IL19: variants seen among roughly 807,000 people sequenced by gnomAD.
The protein encoded by IL19 is interleukin 19, also known as interleukin-19.
A neutral mutation model predicts 19.5 loss-of-function variants in IL19; 15 were observed. The observed-to-expected ratio is 0.77, with a 90% CI of 0.52 to 1.19. IL19 has a LOEUF of 1.19. IL19 is among the 50% of genes most tolerant of loss of function. The pLI is 0.00. For missense variants in IL19, 199 were observed against 213.1 expected (o/e 0.93, Z 0.41); for synonymous variants, 78 against 78.3 (o/e 1.00, Z 0.02).
chr1:206,808,933 G>C (rs970160672), intron 2 of IL19, among the ~76,000 whole-genome samples: 1 of 152,116 alleles, frequency 6.6e-6, no homozygotes. Flanking sequence ...GAGTGAAGAG[G>C]GTGCATGAGG....
At chr1:206,789,383 T>TA (rs750010425) in intron 1 of IL19, among the ~76,000 whole-genome samples, 14 of 152,322 alleles carry the variant, frequency 9.2e-5, no homozygotes, top group Non-Finnish European at 1.8e-4. Flanking sequence ...TACCACCCCT[T>TA]ATGCCTTTGT....
intron 2 of IL19, among the ~76,000 whole-genome samples, chr1:206,825,035 C>T (rs1676395283): frequency 6.6e-6 from 1 of 152,190 alleles, no homozygotes; most frequent in South Asian, 2.1e-4. Flanking sequence ...GGATTATAGG[C>T]ATGAGCCACT....
At chr1:206,830,334 G>T (rs1046121338) in intron 2 of IL19, among the ~76,000 whole-genome samples, 1 of 152,114 alleles carries the variant, frequency 6.6e-6, no homozygotes, top group Admixed American at 6.5e-5. Context: ...CACTGAAAAT[G>T]AGGAATAAAA....
chr1:206,781,425 AAAAAAAAAAAAAAGAAAAAAAAAG>A (rs1675125738), intron 1 of IL19, among the ~76,000 whole-genome samples: 5 of 150,566 alleles, frequency 3.3e-5, no homozygotes, highest in Non-Finnish European at 7.4e-5. Flanking sequence ...AAAAAAAAAA[AAAAAAAAAAAAAAGAAAAAAAAAG>A]AAAAAAAAGA....
rs116163001 is a variant in IL19 at position 206,800,904 on chromosome 1, G to A, written c.-3+1898G>A. Among the ~76,000 whole-genome samples the A allele has an allele frequency of 4.3e-3, 653 of 152,324 alleles. 2 individuals carry two copies. The highest frequency in any genetic ancestry group is 7.5e-3 in the Admixed American group (114 of 15,302). On this transcript the variant is annotated intron_variant, in intron 2 of 6. Coordinates refer to ENST00000659997, the MANE Select transcript of IL19 (RefSeq NM_153758.5). ...TGGCTGGGCATGAGGACCAGGCACA[G>A]CCTGGAGACCAACCACCTCTGGCCA... is the stretch of plus-strand genomic sequence containing the variant.
At chr1:206,778,925 ACTGT>A (rs1369454545) in intron 1 of IL19, among the ~76,000 whole-genome samples, 2 of 152,136 alleles carry the variant, frequency 1.3e-5, no homozygotes, top group African/African-American at 4.8e-5. Context: ...ACCAGCAATG[ACTGT>A]CTGGTTCAAG....
intron 2 of IL19, among the ~76,000 whole-genome samples, chr1:206,834,835 C>A (rs1468744249): frequency 1.3e-5 from 2 of 152,118 alleles, no homozygotes; most frequent in Admixed American, 1.3e-4. Flanking sequence ...CAGAGGGAAA[C>A]AATGTTGTAA....
intron 2 of IL19, among the ~76,000 whole-genome samples, chr1:206,812,378 A>C (rs370735462): frequency 6.6e-6 from 1 of 152,196 alleles, no homozygotes; most frequent in Non-Finnish European, 1.5e-5. Context: ...TCAATGTCCC[A>C]TTGGTTTGGA....
chr1:206,772,471 T>G (rs1321548158), intron 1 of IL19: 9 of 1,610,312 alleles, frequency 5.6e-6, no homozygotes. Flanking sequence ...GGTTTGGTTT[T>G]GCAAGAGCAA....
chr1:206,796,764 C>A (rs371166573), intron 1 of IL19, among the ~76,000 whole-genome samples: 3 of 152,284 alleles, frequency 2.0e-5, no homozygotes, highest in South Asian at 4.1e-4. Flanking sequence ...GACAAAACCT[C>A]CTAATAAGGC....
intron 1 of IL19, among the ~76,000 whole-genome samples, chr1:206,779,658 A>G (rs1416088945): frequency 1.3e-5 from 2 of 152,150 alleles, no homozygotes; most frequent in Non-Finnish European, 2.9e-5. Flanking sequence ...GAACCCTTCC[A>G]TGGCTTCCCA....
chr1:206,804,299 G>A (rs1210799173), intron 2 of IL19, among the ~76,000 whole-genome samples: 1 of 152,356 alleles, frequency 6.6e-6, no homozygotes, highest in East Asian at 1.9e-4. Context: ...GGGTTCCTGT[G>A]CTGGGAGTGG....
At position 206,814,725 on chromosome 1, in the gene IL19, C is replaced by CAT. The variant is rs1553440957; in HGVS notation, c.-3+15720_-3+15721insTA. On this transcript the variant is annotated intron_variant, in intron 2 of 6. Coordinates refer to ENST00000659997, the MANE Select transcript of IL19 (RefSeq NM_153758.5). ...ACACACACACACACACACACACACA[C>CAT]AATTCACTTTGAACATATGCAGAGT... is the stretch of plus-strand genomic sequence containing the variant. Among the ~76,000 whole-genome samples the CAT allele has an allele frequency of 2.3e-4, 34 of 145,796 alleles. 1 individual carries two copies. Among genetic ancestry groups the CAT allele is most frequent in the Non-Finnish European group, 4.0e-4 (27 of 67,448 alleles).
At chr1:206,842,442 G>T in intron 6 of IL19, 85 bp from the exon 7 acceptor site, 1 of 781,270 alleles carries the variant, frequency 1.3e-6, no homozygotes, top group Non-Finnish European at 2.1e-6. Context: ...ACAAAACCTT[G>T]TGGGAACCAG....
At position 206,839,832 on chromosome 1, in the gene IL19, C is replaced by A. The variant is rs11802960; in HGVS notation, c.211-18C>A. Reference sequence around the variant, plus strand: ...TGAGAGAAGAGGCCTCTAGTGTTTCCCTAATTTGTGTTTGTAGCCCTTAGA... The same window carrying A: ...TGAGAGAAGAGGCCTCTAGTGTTTCACTAATTTGTGTTTGTAGCCCTTAGA... On this transcript the variant is annotated intron_variant, in intron 4 of 6. Transcript: ENST00000659997. The A allele has an allele frequency of 1.3e-6, 2 of 1,599,054 alleles. No homozygotes were observed. The highest frequency in any genetic ancestry group is 1.7e-6 in the Non-Finnish European group (2 of 1,172,190).
chr1:206,820,833 C>G (rs1676273583), intron 2 of IL19, among the ~76,000 whole-genome samples: 1 of 152,184 alleles, frequency 6.6e-6, no homozygotes, highest in South Asian at 2.1e-4. Context: ...TCAAACACTG[C>G]CCATATTGAC....
intron 2 of IL19, among the ~76,000 whole-genome samples, chr1:206,808,504 T>C (rs76033614): frequency 1.4e-5 from 1 of 72,562 alleles, no homozygotes; most frequent in South Asian, 3.1e-4. Context: ...TGTGTGCGTG[T>C]GTGTGTGTGT....
intron 2 of IL19, among the ~76,000 whole-genome samples, chr1:206,806,249 G>T (rs1204036892): frequency 6.6e-6 from 1 of 152,264 alleles, no homozygotes; most frequent in South Asian, 2.1e-4. Context: ...CATATGGACT[G>T]CAAATAAGGG....
intron 1 of IL19, among the ~76,000 whole-genome samples, chr1:206,797,578 TA>T (rs1675555295): frequency 6.6e-6 from 1 of 152,196 alleles, no homozygotes; most frequent in Admixed American, 6.5e-5. Context: ...TCATTTGCTT[TA>T]AAAAATTATT....
Sources: gnomAD v4.1 joint callset for allele counts (sites outside exome capture counted in the v4.1 genomes callset) on GRCh38, gnomAD v4.1.1 for gene constraint, MANE v1.5 for transcripts, NCBI Gene and HGNC (gene_info 2026-07-23, HGNC 2026-07-21) for gene names.